The following ANO7 variants were observed in gnomAD, a reference collection of about 807,000 sequenced individuals.
The protein encoded by ANO7 is anoctamin 7.
ANO7 carries 114 observed loss-of-function variants against 115.8 expected under a neutral mutation model. That is an observed-to-expected ratio of 0.98 (90% CI 0.85 to 1.15). ANO7 has a LOEUF of 1.15. ANO7 is among the 50% of genes most tolerant of loss of function. ANO7 has a pLI of 0.00. For synonymous variants in ANO7, 550 were observed against 498.2 expected, an observed-to-expected ratio of 1.10 and a Z score of -1.38; for missense variants, 1,302 against 1,201.2, an observed-to-expected ratio of 1.08 and a Z score of -1.24.
intron 24 of ANO7, 51 bp from the exon 25 acceptor site, chr2:241,224,046 C>T (rs77050519): frequency 5.0e-6 from 8 of 1,612,876 alleles, no homozygotes; most frequent in Non-Finnish European, 6.8e-6. Context: ...GTGGCCATGG[C>T]CTGCTCCTGG....
At chr2:241,197,731 A>T (rs2068377671) in intron 4 of ANO7, among the ~76,000 whole-genome samples, 1 of 147,246 alleles carries the variant, frequency 6.8e-6, no homozygotes, top group Non-Finnish European at 1.5e-5. Flanking sequence ...GCTCACTACA[A>T]CTTCTGTCTC....
Position 241,200,101 on chromosome 2 carries a change from C to T in ANO7, c.430C>T (p.Gln144Ter), listed in dbSNP as rs1465876065. The T allele has an allele frequency of 1.9e-6, 3 of 1,612,544 alleles. No homozygotes were observed. In the South Asian group the frequency reaches 3.3e-5, roughly 18 times the overall value. ...LKLPLQELPN[Q>*]ASNWSAGLLA... ...CGTTTCCTTCCAGGAGTTACCCAAC[C>T]AGGCCTCCAACTGGTCGGCCGGCCT... The change falls in exon 6 of 25, where the codon CAG (glutamine) becomes TAG (stop). Residue 144 changes from glutamine to a stop codon, truncating the protein, a stop_gained. Transcript: ENST00000674324. LOFTEE classifies it high-confidence loss of function.
chr2:241,236,838 A>G, the ANO7 span: 912 of 1,536,036 alleles, frequency 5.9e-4, 3 homozygotes, highest in African/African-American at 0.01. Context: ...TTCAGAATGC[A>G]TATGTCTGTG....
intron 22 of ANO7, 169 bp downstream of exon 22, chr2:241,223,445 C>A: frequency 1.9e-6 from 2 of 1,050,366 alleles, no homozygotes; most frequent in Non-Finnish European, 2.9e-6. Flanking sequence ...TGGCCTCATC[C>A]CTGGGTTGTG....
chr2:241,215,858 C>T (rs530279112), intron 18 of ANO7, among the ~76,000 whole-genome samples: 10 of 152,258 alleles, frequency 6.6e-5, no homozygotes, highest in East Asian at 5.8e-4. Flanking sequence ...GGGGGCTGGG[C>T]GGGTGGACTG....
chr2:241,221,114 C>G (rs1212855205), intron 21 of ANO7, among the ~76,000 whole-genome samples: 1 of 150,884 alleles, frequency 6.6e-6, no homozygotes, highest in African/African-American at 2.4e-5. Context: ...CTCTGTTGCC[C>G]AGGCTGGAGT....
chr2:241,207,799 C>T (rs2068627596), intron 11 of ANO7, 129 bp downstream of exon 11: 2 of 780,506 alleles, frequency 2.6e-6, no homozygotes, highest in South Asian at 1.6e-5. Context: ...AGGCAGAACG[C>T]TCCATGAGCT....
intron 4 of ANO7, among the ~76,000 whole-genome samples, chr2:241,198,913 G>A (rs919961776): frequency 1.3e-5 from 2 of 152,220 alleles, no homozygotes; most frequent in African/African-American, 4.8e-5. Context: ...ATGTACACCT[G>A]GTGACCGATC....
intron 21 of ANO7, among the ~76,000 whole-genome samples, chr2:241,219,219 C>T (rs1022244284): frequency 1.3e-5 from 2 of 152,184 alleles, no homozygotes; most frequent in Non-Finnish European, 2.9e-5. Context: ...TTTCAATAAA[C>T]TTGAAAAGCA....
At chr2:241,202,376 G>C in intron 8 of ANO7, 72 bp downstream of exon 8, 1 of 1,436,376 alleles carries the variant, frequency 7.0e-7, no homozygotes, top group African/African-American at 1.4e-5. Flanking sequence ...TGGCCCCCAG[G>C]GAGGCGGGTG....
At chr2:241,239,878 G>A in the ANO7 span, 31 of 1,612,400 alleles carry the variant, frequency 1.9e-5, no homozygotes, top group African/African-American at 5.3e-5. This position sits in a 1 kb window ranked among gnomAD's most constrained non-coding sequence, Gnocchi z 4.6. Flanking sequence ...CAGCAGAGTC[G>A]GCCGCCGAGG....
chr2:241,217,631 C>A (rs771118028), intron 19 of ANO7, 55 bp from the exon 20 acceptor site: 95 of 1,527,020 alleles, frequency 6.2e-5, no homozygotes, highest in Non-Finnish European at 8.3e-5. Flanking sequence ...GGGCGCGTTC[C>A]GAGGGCTGAG....
At chr2:241,240,174 A>C in the ANO7 span, 1 of 1,558,790 alleles carries the variant, frequency 6.4e-7, no homozygotes, top group Admixed American at 1.7e-5. This position sits in a 1 kb window ranked among gnomAD's most constrained non-coding sequence, Gnocchi z 5.5. Flanking sequence ...CCTGGACCAC[A>C]GTGAGGAAGA....
At chr2:241,229,783 T>TTG, downstream of ANO7, 16 of 1,524,616 alleles carry the variant, frequency 1.0e-5, no homozygotes, top group Non-Finnish European at 1.3e-5. Flanking sequence ...CAAGCCCGCC[T>TTG]GCCCGCCCAC....
rs1252994564 is a variant in ANO7, at chr2:241,207,581, CTG to C, written c.993_994del (p.Cys331TrpfsTer71). 6.2e-7 allele frequency: 1 copy of C among 1,613,522 alleles called. No individual in the cohort carries two copies. Among genetic ancestry groups the C allele is most frequent in the Non-Finnish European group, 8.5e-7 (1 of 1,179,942 alleles). On this transcript the variant is annotated frameshift_variant, in exon 11 of 25. Coordinates refer to ENST00000674324, the MANE Select transcript of ANO7 (RefSeq NM_001370694.2). LOFTEE classifies it high-confidence loss of function. Reference sequence around the variant, plus strand: ...CCGCTCCATGCCTTGCAGGCAGGAACTGTGTGGCAGCAAGGACAGCTTCGAGA... The same window carrying C: ...CCGCTCCATGCCTTGCAGGCAGGAACTGTGGCAGCAAGGACAGCTTCGAGA... ...LVFSDIPTQE[L>X]CGSKDSFEMC...
downstream of ANO7, chr2:241,229,795 C>A: frequency 1.3e-6 from 2 of 1,561,864 alleles, no homozygotes; most frequent in South Asian, 1.2e-5. Flanking sequence ...CCCGCCCACC[C>A]TCCCTGGGAC....
At chr2:241,190,016 CCT>C (rs2068154695) in intron 1 of ANO7, 39 bp from the exon 2 acceptor site, 1 of 1,498,638 alleles carries the variant, frequency 6.7e-7, no homozygotes, top group Non-Finnish European at 9.1e-7. Context: ...TCACCCATCC[CCT>C]CTCTGACCCC....
At chr2:241,222,493 C>T (rs1003622607) in intron 21 of ANO7, among the ~76,000 whole-genome samples, 3 of 152,020 alleles carry the variant, frequency 2.0e-5, no homozygotes, top group Admixed American at 1.3e-4. Flanking sequence ...TCCCCAGTCT[C>T]TCTTCTGCTG....
the ANO7 span, among the ~76,000 whole-genome samples, chr2:241,234,371 GCCACAGCC>G: frequency 6.6e-6 from 1 of 152,222 alleles, no homozygotes; most frequent in South Asian, 2.1e-4. Flanking sequence ...AGAGGGGGCA[GCCACAGCC>G]CCTGAACACC....
Sources: allele counts gnomAD v4.1 joint callset (sites outside exome capture counted in the v4.1 genomes callset), GRCh38; gene constraint gnomAD v4.1.1; non-coding constraint Gnocchi (gnomAD v3.1); transcripts MANE v1.5; gene names NCBI Gene and HGNC (gene_info 2026-07-23, HGNC 2026-07-21).